The following PTPRD variants were observed in gnomAD, a reference collection of about 807,000 sequenced individuals.
PTPRD encodes receptor-type tyrosine-protein phosphatase delta.
Under a neutral mutation model 214.5 loss-of-function variants are expected in PTPRD, and 34 were observed. The ratio of observed to expected loss-of-function variants is 0.16; its 90% CI spans 0.12 to 0.21. PTPRD has a LOEUF of 0.21. PTPRD is among the 10% of genes least tolerant of loss of function. The pLI is 1.00. For synonymous variants in PTPRD, 1,128 were observed against 845.7 expected (o/e 1.33, Z -5.79); for missense variants, 2,545 against 2,398.7 (o/e 1.06, Z -1.27).
At chr9:10,152,646 A>T (rs1019329746) in intron 3 of PTPRD, among the ~76,000 whole-genome samples, 1 of 152,082 alleles carries the variant, frequency 6.6e-6, no homozygotes, top group South Asian at 2.1e-4. Context: ...ACCAACATGG[A>T]GAAACCTCAC....
intron 7 of PTPRD, among the ~76,000 whole-genome samples, chr9:9,589,156 G>A (rs1380423101): frequency 6.6e-6 from 1 of 151,904 alleles, no homozygotes; most frequent in African/African-American, 2.4e-5. Flanking sequence ...TGAAAACTGT[G>A]TATTAGTGAA....
intron 7 of PTPRD, among the ~76,000 whole-genome samples, chr9:9,710,681 C>T (rs2097708895): frequency 6.6e-6 from 1 of 151,844 alleles, no homozygotes; most frequent in South Asian, 2.1e-4. Flanking sequence ...ATTCCATTTT[C>T]ATCTTCAAAT....
At chr9:9,680,455 AGTT>A (rs1206833457) in intron 7 of PTPRD, among the ~76,000 whole-genome samples, 1 of 151,880 alleles carries the variant, frequency 6.6e-6, no homozygotes, top group Admixed American at 6.6e-5. Context: ...TAGGTTTAAA[AGTT>A]CATAACACAA....
chr9:10,470,253 A>G (rs1457842474), intron 2 of PTPRD, among the ~76,000 whole-genome samples: 1 of 152,122 alleles, frequency 6.6e-6, no homozygotes, highest in African/African-American at 2.4e-5. Context: ...ACTATTAGGT[A>G]TCCATAAAAA....
At chr9:9,159,246 G>A (rs902141090) in intron 10 of PTPRD, among the ~76,000 whole-genome samples, 1 of 151,996 alleles carries the variant, frequency 6.6e-6, no homozygotes, top group African/African-American at 2.4e-5. Flanking sequence ...CTACCTAATA[G>A]AAAATGAAGA....
chr9:8,461,343 T>G (rs1014276450), intron 32 of PTPRD, among the ~76,000 whole-genome samples: 5 of 152,130 alleles, frequency 3.3e-5, no homozygotes, highest in Admixed American at 2.6e-4. Context: ...AATAGACAAC[T>G]GATAATATAC....
intron 18 of PTPRD, 99 bp downstream of exon 18, chr9:8,524,826 C>T (rs779729853): frequency 3.1e-6 from 3 of 980,512 alleles, no homozygotes; most frequent in Non-Finnish European, 3.3e-6. Context: ...ATTACCAAAC[C>T]AGCTTGTTAA....
intron 14 of PTPRD, among the ~76,000 whole-genome samples, chr9:8,619,197 T>G (rs1301278409): frequency 6.6e-6 from 1 of 152,114 alleles, no homozygotes; most frequent in African/African-American, 2.4e-5. Flanking sequence ...TTACCACTTT[T>G]GTGTTTGAGA....
chr9:8,376,871 T>A (rs1328105041), intron 37 of PTPRD, 145 bp from the exon 38 acceptor site: 1 of 1,064,846 alleles, frequency 9.4e-7, no homozygotes, highest in Admixed American at 2.4e-5. Flanking sequence ...GTTATCCCAA[T>A]ATATGTAAAT....
At chr9:10,533,400 G>T (rs568276904) in intron 2 of PTPRD, among the ~76,000 whole-genome samples, 1 of 152,162 alleles carries the variant, frequency 6.6e-6, no homozygotes, top group Non-Finnish European at 1.5e-5. Flanking sequence ...TTCTTATATT[G>T]TGTCTTATTT....
intron 37 of PTPRD, among the ~76,000 whole-genome samples, chr9:8,388,928 G>A (rs112070960): frequency 2.0e-5 from 3 of 151,244 alleles, no homozygotes; most frequent in Non-Finnish European, 4.4e-5. Context: ...TTTGAAAGAG[G>A]TTCAAGCAAA....
chr9:10,190,997 T>C (rs966895797), intron 3 of PTPRD, among the ~76,000 whole-genome samples: 7 of 152,192 alleles, frequency 4.6e-5, no homozygotes, highest in African/African-American at 1.7e-4. Context: ...GTAAGACAAG[T>C]TGCCAGAGGA....
chr9:8,945,909 T>G (rs775011840), intron 11 of PTPRD, among the ~76,000 whole-genome samples: 3 of 152,190 alleles, frequency 2.0e-5, no homozygotes, highest in Non-Finnish European at 4.4e-5. Flanking sequence ...AGGTTTACAT[T>G]AAAGTCATAT....
At chr9:9,132,447 G>A (rs1246441520) in intron 10 of PTPRD, among the ~76,000 whole-genome samples, 2 of 152,134 alleles carry the variant, frequency 1.3e-5, no homozygotes, top group Non-Finnish European at 2.9e-5. Context: ...AACATTTTAT[G>A]CATTGAAAGT....
intron 14 of PTPRD, among the ~76,000 whole-genome samples, chr9:8,602,211 T>C (rs2094909262): frequency 6.6e-6 from 1 of 152,164 alleles, no homozygotes. Context: ...CCTGAGCCAA[T>C]AGTTCTAAAT....
intron 5 of PTPRD, among the ~76,000 whole-genome samples, chr9:9,807,543 G>A (rs2045842076): frequency 6.6e-6 from 1 of 152,108 alleles, no homozygotes; most frequent in Non-Finnish European, 1.5e-5. Flanking sequence ...TTTCCCATAT[G>A]CCCCAAGAAT....
chr9:9,714,146 G>T (rs962430436), intron 7 of PTPRD, among the ~76,000 whole-genome samples: 1 of 149,416 alleles, frequency 6.7e-6, no homozygotes, highest in Admixed American at 6.7e-5. Flanking sequence ...CTTCACTAAA[G>T]CTTCCTGTAT....
At chr9:9,161,927 T>C (rs569585385) in intron 10 of PTPRD, among the ~76,000 whole-genome samples, 127 of 152,148 alleles carry the variant, frequency 8.3e-4, no homozygotes, top group Middle Eastern at 3.4e-3. Flanking sequence ...ACTCAGCACA[T>C]TAATATATAG....
rs541392226 is a variant in PTPRD at position 10,146,083 on chromosome 9, T to C, written c.-544-112293A>G. 4.3e-3 allele frequency among the ~76,000 whole-genome samples: 651 copies of C among 151,746 alleles called. 6 individuals carry two copies. The highest frequency in any genetic ancestry group is 5.8e-3 in the Admixed American group (88 of 15,186). On this transcript the variant is annotated intron_variant, in intron 3 of 45. Transcript: ENST00000381196. ...AGACTATGAAAACTGTATCATTTCA[T>C]TTTTTCCTTATGTCTTATTTTCTTA... is the stretch of plus-strand genomic sequence containing the variant.
Sources: gnomAD v4.1 joint callset for allele counts (sites outside exome capture counted in the v4.1 genomes callset) on GRCh38, gnomAD v4.1.1 for gene constraint, MANE v1.5 for transcripts, NCBI Gene and HGNC (gene_info 2026-07-23, HGNC 2026-07-21) for gene names.